The following DNAAF4 variants were observed in gnomAD, a reference collection of about 807,000 sequenced individuals.
DNAAF4 encodes the protein dynein axonemal assembly factor 4, also known as dynein assembly factor 4, axonemal.
DNAAF4 carries 43 observed loss-of-function variants against 51.8 expected under a neutral mutation model. The ratio of observed to expected loss-of-function variants is 0.83; its 90% CI spans 0.65 to 1.07. The LOEUF (loss-of-function observed/expected upper bound fraction) is 1.07. Among genes scored for constraint, DNAAF4 ranks in the 50% least tolerant of loss-of-function variants. DNAAF4 has a pLI of 0.00. For missense variants in DNAAF4, 581 were observed against 493.0 expected, an observed-to-expected ratio of 1.18 and a Z score of -1.69; for synonymous variants, 194 against 165.6, an observed-to-expected ratio of 1.17 and a Z score of -1.32.
chr15:55,425,437 A>T (rs2057422297), downstream of DNAAF4, among the ~76,000 whole-genome samples: 1 of 152,106 alleles, frequency 6.6e-6, no homozygotes, highest in African/African-American at 2.4e-5. Flanking sequence ...CTTGGCTATA[A>T]ACCCCTACTT....
intron 6 of DNAAF4, among the ~76,000 whole-genome samples, chr15:55,449,661 C>T (rs2057900650): frequency 6.8e-6 from 1 of 146,750 alleles, no homozygotes; most frequent in Admixed American, 6.8e-5. Flanking sequence ...GCAAAAACTC[C>T]ATCTCTAAAA....
chr15:55,484,624 G>A (rs1222960184), intron 4 of DNAAF4, among the ~76,000 whole-genome samples: 1 of 152,074 alleles, frequency 6.6e-6, no homozygotes, highest in Non-Finnish European at 1.5e-5. Flanking sequence ...GGGTTCTTTA[G>A]AGAGACATAA....
intron 5 of DNAAF4, among the ~76,000 whole-genome samples, chr15:55,461,959 A>G (rs1019880530): frequency 1.1e-4 from 17 of 152,228 alleles, no homozygotes; most frequent in African/African-American, 3.4e-4. Flanking sequence ...ATTACAACAA[A>G]TACCACAGGG....
chr15:55,451,735 T>G (rs1467762931), intron 5 of DNAAF4, among the ~76,000 whole-genome samples: 1 of 151,992 alleles, frequency 6.6e-6, no homozygotes, highest in Non-Finnish European at 1.5e-5. Context: ...CATCTCAGCC[T>G]TTCAAGAGCA....
chr15:55,483,833 C>CATTTTTTTTTTTTTTTTTTTTT (rs1567028675), intron 4 of DNAAF4, among the ~76,000 whole-genome samples: 1 of 82,504 alleles, frequency 1.2e-5, no homozygotes. Context: ...GCCAATAAAG[C>CATTTTTTTTTTTTTTTTTTTTT]TTTTTTTTTT....
intron 4 of DNAAF4, among the ~76,000 whole-genome samples, chr15:55,483,606 T>C (rs7171076): frequency 0.041 from 6,174 of 152,048 alleles, 420 homozygotes; most frequent in African/African-American, 0.14. Context: ...AGTGGCACAA[T>C]CTTGGCCCAC....
chr15:55,465,299 A>G (rs1163949225), intron 5 of DNAAF4, among the ~76,000 whole-genome samples: 1 of 152,112 alleles, frequency 6.6e-6, no homozygotes, highest in Non-Finnish European at 1.5e-5. Context: ...TTGCACACTC[A>G]TGTTTATAGC....
intron 6 of DNAAF4, among the ~76,000 whole-genome samples, chr15:55,449,463 G>C (rs1186270589): frequency 6.8e-6 from 1 of 147,162 alleles, no homozygotes; most frequent in Non-Finnish European, 1.5e-5. Context: ...AGGAGTTTGA[G>C]ACCAGCCTGA....
rs1382345381 is a variant in DNAAF4, at chr15:55,424,459, T to C, written c.1048-6326A>G. Among the ~76,000 whole-genome samples the C allele has an allele frequency of 2.0e-5, 3 of 152,360 alleles. No individual in the cohort carries two copies. In the East Asian group the frequency reaches 5.8e-4, roughly 29 times the overall value. On this transcript the variant is annotated intron_variant, in intron 7 of 7. Coordinates refer to the DNAAF4 transcript ENST00000448430. ...CCCTAGATGGCATGTGCAAAATCCT[T>C]TGCCCTTATTTCCCACATGGATGAA...
chr15:55,457,414 G>A (rs115839547), intron 5 of DNAAF4, among the ~76,000 whole-genome samples: 1 of 152,144 alleles, frequency 6.6e-6, no homozygotes, highest in African/African-American at 2.4e-5. Context: ...CCCAAGGGGA[G>A]CCTGAGCCCA....
In DNAAF4 at chr15:55,498,491, G is replaced by C. The variant is rs2058670254; in HGVS notation, c.-162C>G. The C allele has an allele frequency of 4.9e-6, 5 of 1,022,618 alleles. No individual in the cohort carries two copies. The highest frequency in any genetic ancestry group is 6.3e-5 in the Admixed American group (2 of 31,854). 63.3% of individuals were successfully genotyped at this position (1,022,618 alleles called of 1,614,324 possible). A position where few individuals can be genotyped will look rare whatever the true frequency, so the allele number is the denominator to read the frequency against. On this transcript the variant is annotated 5_prime_UTR_variant, in exon 2 of 10. Transcript: ENST00000321149. ...CGCCAGCACCTCGCGGACTCCATGC[G>C]TGACTATCCAGGCGCCCAGACCAGA...
intron 7 of DNAAF4, chr15:55,418,330 A>AG (rs2057355599): frequency 1.9e-6 from 3 of 1,543,350 alleles, no homozygotes; most frequent in East Asian, 4.9e-5. Flanking sequence ...TGTTGGATCC[A>AG]AAGACACTCC....
At chr15:55,496,659 G>A (rs1247398862) in intron 3 of DNAAF4, among the ~76,000 whole-genome samples, 2 of 152,122 alleles carry the variant, frequency 1.3e-5, no homozygotes, top group Non-Finnish European at 1.5e-5. Context: ...TCTGCTTAAT[G>A]TGCTCTAACT....
chr15:55,464,916 T>C (rs1321639666), intron 5 of DNAAF4, among the ~76,000 whole-genome samples: 1 of 152,062 alleles, frequency 6.6e-6, no homozygotes, highest in Non-Finnish European at 1.5e-5. Flanking sequence ...GATCGTGCCA[T>C]TGCACTCCAG....
chr15:55,442,667 G>A (rs1464003082), intron 6 of DNAAF4: 1 of 1,524,828 alleles, frequency 6.6e-7, no homozygotes, highest in Non-Finnish European at 9.1e-7. Context: ...AGCTTTATAA[G>A]TAAGCTTGTC....
intron 5 of DNAAF4, among the ~76,000 whole-genome samples, chr15:55,463,508 C>CA (rs2058124907): frequency 6.6e-6 from 1 of 151,922 alleles, no homozygotes; most frequent in African/African-American, 2.4e-5. Context: ...CATTGTTGGC[C>CA]AATGATATGA....
Position 55,430,567 on chromosome 15 carries a change from C to G in DNAAF4, c.*103G>C. The G allele has an allele frequency of 1.4e-6, 2 of 1,419,820 alleles. No homozygotes were observed. Among genetic ancestry groups the G allele is most frequent in the Non-Finnish European group, 1.8e-6 (2 of 1,086,656 alleles). 88.0% of individuals were successfully genotyped at this position (1,419,820 alleles called of 1,614,324 possible). A position where few individuals can be genotyped will look rare whatever the true frequency, so the allele number is the denominator to read the frequency against. On this transcript the variant is annotated 3_prime_UTR_variant, in exon 10 of 10. Transcript: ENST00000321149. ...TTTTGCCCTCAACAGAACTAAAGTA[C>G]TAAACAGAAAGCGATTCTGTACAAC...
chr15:55,468,285 T>A (rs1312729615), intron 4 of DNAAF4, among the ~76,000 whole-genome samples: 1 of 152,178 alleles, frequency 6.6e-6, no homozygotes. Flanking sequence ...CTCTGTAATA[T>A]CTACATGACA....
chr15:55,429,322 C>G (rs905706601), downstream of DNAAF4, among the ~76,000 whole-genome samples: 4 of 149,328 alleles, frequency 2.7e-5, no homozygotes, highest in Admixed American at 2.0e-4. Flanking sequence ...CAGTTCGAGA[C>G]CAACCTGGCC....
Sources: gnomAD v4.1 joint callset for allele counts (sites outside exome capture counted in the v4.1 genomes callset) on GRCh38, gnomAD v4.1.1 for gene constraint, MANE v1.5 for transcripts, NCBI Gene and HGNC (gene_info 2026-07-23, HGNC 2026-07-21) for gene names.